BRD10: variants seen among roughly 807,000 people sequenced by gnomAD.
The protein encoded by BRD10 is bromodomain containing 10.
the BRD10 span, among the ~76,000 whole-genome samples, chr9:5,950,626 T>C: frequency 2.0e-5 from 3 of 152,272 alleles, no homozygotes; most frequent in South Asian, 6.2e-4. Context: ...ATTTTTATAC[T>C]ATCTAAAGTT....
the BRD10 span, among the ~76,000 whole-genome samples, chr9:5,950,565 C>A: frequency 3.5e-4 from 53 of 152,294 alleles, no homozygotes; most frequent in East Asian, 9.3e-3. Flanking sequence ...GAATCAAGGT[C>A]TTTTGGAGGA....
chr9:5,969,510 T>C, the BRD10 span: 18 of 1,065,242 alleles, frequency 1.7e-5, no homozygotes, highest in African/African-American at 2.6e-4. Flanking sequence ...AGTATATTTA[T>C]CTTTAGCCAA....
At chr9:5,967,932 T>A in the BRD10 span, 1 of 808,662 alleles carries the variant, frequency 1.2e-6, no homozygotes, top group Non-Finnish European at 1.9e-6. Context: ...CATTTTACTC[T>A]CTCAATCAAA....
the BRD10 span, among the ~76,000 whole-genome samples, chr9:5,925,876 G>A: frequency 1.3e-5 from 2 of 152,008 alleles, no homozygotes; most frequent in African/African-American, 4.8e-5. Flanking sequence ...TACCCTTAGT[G>A]TCGTTTATTC....
chr9:5,898,743 T>G, the BRD10 span, among the ~76,000 whole-genome samples: 1 of 152,154 alleles, frequency 6.6e-6, no homozygotes, highest in Non-Finnish European at 1.5e-5. Context: ...TTCCTACTTT[T>G]CTTCTTCACC....
chr9:6,003,744 T>C, the BRD10 span, among the ~76,000 whole-genome samples: 1 of 152,054 alleles, frequency 6.6e-6, no homozygotes, highest in Non-Finnish European at 1.5e-5. Context: ...TAGTCCTACT[T>C]CTCTTGAAAA....
At chr9:5,957,848 T>A in the BRD10 span, among the ~76,000 whole-genome samples, 1 of 152,302 alleles carries the variant, frequency 6.6e-6, no homozygotes. Flanking sequence ...ATGCCTTTAT[T>A]TGGTAACCTG....
chr9:5,883,613 G>T, the BRD10 span, among the ~76,000 whole-genome samples: 1 of 151,494 alleles, frequency 6.6e-6, no homozygotes, highest in South Asian at 2.1e-4. Flanking sequence ...CCACAGGTGC[G>T]CACCAACATG....
chr9:6,000,725 A>C, the BRD10 span, among the ~76,000 whole-genome samples: 1 of 152,192 alleles, frequency 6.6e-6, no homozygotes, highest in Non-Finnish European at 1.5e-5. Context: ...TTCCAGAATA[A>C]ATTCTTTTCA....
chr9:5,908,737 A>C, the BRD10 span: 284 of 1,587,906 alleles, frequency 1.8e-4, 1 homozygote, highest in African/African-American at 4.7e-4. Context: ...AGACATGCTG[A>C]AATTATTTCT....
chr9:5,919,813 T>C, the BRD10 span: 1 of 1,613,894 alleles, frequency 6.2e-7, no homozygotes, highest in Middle Eastern at 1.6e-4. Flanking sequence ...CCTTAGATGC[T>C]GGAGTATTTA....
At chr9:5,932,970 C>T in the BRD10 span, among the ~76,000 whole-genome samples, 1 of 151,918 alleles carries the variant, frequency 6.6e-6, no homozygotes, top group East Asian at 1.9e-4. Context: ...AAAAGCAAAA[C>T]AGCAAGTTCT....
the BRD10 span, among the ~76,000 whole-genome samples, chr9:5,977,201 G>A: frequency 6.6e-6 from 1 of 152,190 alleles, no homozygotes; most frequent in African/African-American, 2.4e-5. Flanking sequence ...GTTGAAGTGT[G>A]ATAATGCCAT....
the BRD10 span, among the ~76,000 whole-genome samples, chr9:5,960,451 A>C: frequency 6.6e-6 from 1 of 152,046 alleles, no homozygotes; most frequent in African/African-American, 2.4e-5. Flanking sequence ...AGTCCCAGCT[A>C]CTTGGGAGGC....
At chr9:5,984,955 A>T in the BRD10 span, among the ~76,000 whole-genome samples, 3 of 152,130 alleles carry the variant, frequency 2.0e-5, no homozygotes, top group East Asian at 5.8e-4. Flanking sequence ...GTATAGACAA[A>T]CGAATTTGAA....
At chr9:5,936,334 G>A in the BRD10 span, among the ~76,000 whole-genome samples, 2 of 152,164 alleles carry the variant, frequency 1.3e-5, no homozygotes, top group Non-Finnish European at 2.9e-5. Context: ...TTGCCTGGGT[G>A]ACAGAGTGAG....
chr9:5,924,291 T>C, the BRD10 span, among the ~76,000 whole-genome samples: 3 of 151,488 alleles, frequency 2.0e-5, no homozygotes, highest in Non-Finnish European at 1.5e-5. Flanking sequence ...CAAGAAACTT[T>C]TTTTTTTTTT....
chr9:5,923,002 A>G, the BRD10 span: 1 of 1,613,996 alleles, frequency 6.2e-7, no homozygotes, highest in South Asian at 1.1e-5. Flanking sequence ...CTTTCTGGAG[A>G]GTAGACACTG....
At chr9:5,932,290 T>C in the BRD10 span, among the ~76,000 whole-genome samples, 2 of 152,046 alleles carry the variant, frequency 1.3e-5, no homozygotes, top group East Asian at 3.8e-4. Flanking sequence ...TCATGTTTCA[T>C]CTCGGATGAA....
Sources: allele counts gnomAD v4.1 joint callset (sites outside exome capture counted in the v4.1 genomes callset), GRCh38; gene constraint gnomAD v4.1.1; transcripts MANE v1.5; gene names NCBI Gene and HGNC (gene_info 2026-07-23, HGNC 2026-07-21).